The following DOCK5 variants were observed in gnomAD, a reference collection of about 807,000 sequenced individuals.
DOCK5 encodes the protein dedicator of cytokinesis 5.
Under a neutral mutation model 251.8 loss-of-function variants are expected in DOCK5, and 142 were observed. That is an observed-to-expected ratio of 0.56 (90% CI 0.49 to 0.65). The LOEUF is 0.65. DOCK5 is among the 30% of genes least tolerant of loss of function. The pLI is 0.00. For missense variants in DOCK5, 2,111 were observed against 2,312.3 expected, an observed-to-expected ratio of 0.91 and a Z score of 1.79; for synonymous variants, 842 against 835.5, an observed-to-expected ratio of 1.01 and a Z score of -0.13.
chr8:25,398,851 A>G (rs989450891), intron 45 of DOCK5, among the ~76,000 whole-genome samples: 3 of 149,884 alleles, frequency 2.0e-5, no homozygotes, highest in African/African-American at 7.4e-5. Flanking sequence ...CTAAGGTACC[A>G]GGCATTAGGA....
intron 11 of DOCK5, among the ~76,000 whole-genome samples, chr8:25,306,279 G>A (rs1491000655): frequency 6.6e-6 from 1 of 152,142 alleles, no homozygotes; most frequent in Non-Finnish European, 1.5e-5. Context: ...CAGTGCTAAA[G>A]TTAATTATGT....
At chr8:25,352,348 C>G (rs1159348039) in intron 27 of DOCK5, among the ~76,000 whole-genome samples, 3 of 151,936 alleles carry the variant, frequency 2.0e-5, no homozygotes, top group African/African-American at 7.2e-5. Flanking sequence ...ATGAACCACC[C>G]AGCCCCTTTG....
chr8:25,378,167 T>A (rs182492955), intron 38 of DOCK5, among the ~76,000 whole-genome samples: 1 of 152,278 alleles, frequency 6.6e-6, no homozygotes, highest in East Asian at 1.9e-4. Flanking sequence ...AACCTTCTAG[T>A]CACATGATTA....
At position 25,300,643 on chromosome 8, in the gene DOCK5, C is replaced by T. The variant is rs745900336; in HGVS notation, c.832C>T (p.Gln278Ter). The change falls in exon 9 of 52, where the codon CAA (glutamine) becomes TAA (stop). Residue 278 changes from glutamine to a stop codon, truncating the protein, a stop_gained. Transcript: ENST00000276440. LOFTEE classifies it high-confidence loss of function. ...PKEIEKLNNL[Q>*]AVFTDLSSMD... ...GGAAATAGAGAAGCTCAATAACCTC[C>T]AAGCAGTGTTTACAGTAAGTCCTCC... is the stretch of plus-strand genomic sequence containing the variant. The T allele has an allele frequency of 3.7e-6, 6 of 1,612,834 alleles. No homozygotes were observed. The highest frequency in any genetic ancestry group is 5.1e-6 in the Non-Finnish European group (6 of 1,179,398).
At chr8:25,307,534 G>A (rs1804976998) in intron 11 of DOCK5, among the ~76,000 whole-genome samples, 1 of 152,136 alleles carries the variant, frequency 6.6e-6, no homozygotes, top group Non-Finnish European at 1.5e-5. Context: ...ATATATTATA[G>A]TACTATGAAT....
rs142890992 is a variant in DOCK5 at position 25,376,659 on chromosome 8, A to C, written c.3817-646A>C. ...AATGAAATAGAATTTTCTTATCCAAAAGCATGGTATGACTTTCCATTTGTT... is the reference window on the plus strand; with the variant it reads ...AATGAAATAGAATTTTCTTATCCAACAGCATGGTATGACTTTCCATTTGTT... On this transcript the variant is annotated intron_variant, in intron 37 of 51. Coordinates refer to ENST00000276440, the MANE Select transcript of DOCK5 (RefSeq NM_024940.8). The C allele has an allele frequency of 5.2e-5, 8 of 153,776 alleles. No individual in the cohort carries two copies. In the East Asian group the frequency reaches 1.5e-3, roughly 30 times the overall value. The allele number at this position is 153,776 out of a possible 1,614,324, so 9.5% of individuals were successfully genotyped here.
rs1563309232 is a variant in DOCK5, at chr8:25,210,060, G to GTATC, written c.43+25110_43+25111insATCT. Reference sequence around the variant, plus strand: ...AATGTGTGTGTGTGTGTGTGTGTGTGTGTGTGTGTATCTGTCTATTTATCT... The same window carrying GTATC: ...AATGTGTGTGTGTGTGTGTGTGTGTGTATCTGTGTGTGTATCTGTCTATTTATCT... On this transcript the variant is annotated intron_variant, in intron 1 of 51. Transcript: ENST00000276440. Among the ~76,000 whole-genome samples, 10 of 27,254 alleles carry GTATC rather than the reference G, an allele frequency of 3.7e-4. 2 individuals are homozygous for GTATC. The highest frequency in any genetic ancestry group is 7.4e-4 in the Non-Finnish European group (9 of 12,178). The allele number at this position is 27,254 out of a possible 152,430, so 17.9% of individuals were successfully genotyped here. A position where few individuals can be genotyped will look rare whatever the true frequency, so the allele number is the denominator to read the frequency against.
At chr8:25,263,676 G>A (rs1803653295) in intron 2 of DOCK5, among the ~76,000 whole-genome samples, 1 of 151,466 alleles carries the variant, frequency 6.6e-6, no homozygotes, top group South Asian at 2.1e-4. Flanking sequence ...CCTATGTGCG[G>A]ATACCCCCTC....
intron 40 of DOCK5, among the ~76,000 whole-genome samples, chr8:25,387,802 C>T (rs909013074): frequency 6.6e-6 from 1 of 152,194 alleles, no homozygotes; most frequent in African/African-American, 2.4e-5. Flanking sequence ...GCTTCCTTAT[C>T]CCATTCATCT....
intron 48 of DOCK5, among the ~76,000 whole-genome samples, chr8:25,405,930 A>G (rs1270313613): frequency 6.6e-6 from 1 of 152,184 alleles, no homozygotes; most frequent in Non-Finnish European, 1.5e-5. Flanking sequence ...CAGGTATATA[A>G]TATCAAAAAA....
At chr8:25,196,805 TC>T (rs1452799941) in intron 1 of DOCK5, among the ~76,000 whole-genome samples, 1 of 152,196 alleles carries the variant, frequency 6.6e-6, no homozygotes, top group East Asian at 1.9e-4. Context: ...TTTAGTACTT[TC>T]AAAAGAATTA....
At chr8:25,308,440 C>G (rs548502976) in intron 11 of DOCK5, among the ~76,000 whole-genome samples, 1 of 152,036 alleles carries the variant, frequency 6.6e-6, no homozygotes, top group Admixed American at 6.5e-5. Flanking sequence ...CCTGGGGGCT[C>G]CTGCCCCTTC....
intron 5 of DOCK5, among the ~76,000 whole-genome samples, chr8:25,280,452 A>C (rs1281413899): frequency 6.6e-6 from 1 of 152,206 alleles, no homozygotes; most frequent in Non-Finnish European, 1.5e-5. Context: ...TTTCATTTTC[A>C]TTCAGGGCTG....
chr8:25,299,050 A>G lies in DOCK5; in HGVS notation c.713A>G (p.Asp238Gly). 6.2e-7 allele frequency: 1 copy of G among 1,613,924 alleles called. No homozygotes were observed. Reference sequence around the variant, plus strand: ...AACTTTGTCTGCAACATCGGGGAAGATGCAGAGTTGTTTATGGCCCTCTAC... The same window carrying G: ...AACTTTGTCTGCAACATCGGGGAAGGTGCAGAGTTGTTTATGGCCCTCTAC... ...FKNFVCNIGE[D>G]AELFMALYDP... The change falls in exon 8 of 52, where the codon GAT becomes GGT. Residue 238 changes from aspartate to glycine, a missense_variant. Asp to Gly is a moderately conservative substitution (Grantham distance 94). This residue lies in a region of DOCK5 where 335 missense variants were observed against 324.9 expected (regional missense o/e 1.03). Coordinates refer to ENST00000276440, the MANE Select transcript of DOCK5 (RefSeq NM_024940.8).
chr8:25,320,919 A>G (rs1210451962), intron 15 of DOCK5, 61 bp from the exon 16 acceptor site: 2 of 1,472,780 alleles, frequency 1.4e-6, no homozygotes, highest in East Asian at 4.6e-5. Context: ...ATTCCATGAA[A>G]TAAACCATGC....
chr8:25,191,207 G>A (rs913394687), intron 1 of DOCK5, among the ~76,000 whole-genome samples: 8 of 152,070 alleles, frequency 5.3e-5, no homozygotes, highest in African/African-American at 1.9e-4. Context: ...TTGCAATAAT[G>A]CTAAGCCGTT....
rs765162352 is a variant in DOCK5, at chr8:25,390,245, C to T, written c.4313C>T (p.Pro1438Leu). ...CFTVKPVMSL[P>L]PSYKDKPVPE... The stretch of plus-strand genomic sequence containing the variant: ...ACTGTAAAGCCAGTGATGAGCTTGC[C>T]GCCCAGCTACAAGGATAAACCTGTT... The change falls in exon 42 of 52, where the codon CCG becomes CTG. Residue 1438 changes from proline (P) to leucine (L), a missense_variant. By Grantham distance (98) the Pro-to-Leu change is moderately conservative. Coordinates refer to ENST00000276440, the MANE Select transcript of DOCK5 (RefSeq NM_024940.8). 4.1e-5 allele frequency: 65 copies of T among 1,593,380 alleles called. No homozygotes were observed. The highest frequency in any genetic ancestry group is 4.9e-5 in the Non-Finnish European group (57 of 1,169,588).
intron 2 of DOCK5, among the ~76,000 whole-genome samples, chr8:25,268,094 G>A (rs569767670): frequency 4.1e-4 from 62 of 152,000 alleles, no homozygotes; most frequent in African/African-American, 1.2e-3. Flanking sequence ...AACTTCTGAC[G>A]TCATGATCCA....
chr8:25,391,455 G>A (rs368024145), intron 42 of DOCK5, among the ~76,000 whole-genome samples: 6 of 151,950 alleles, frequency 3.9e-5, no homozygotes, highest in African/African-American at 1.5e-4. Flanking sequence ...GGCCAACATG[G>A]TGAAACCCCA....
Sources: allele counts gnomAD v4.1 joint callset (sites outside exome capture counted in the v4.1 genomes callset), GRCh38; gene constraint gnomAD v4.1.1; regional missense constraint gnomAD v4.1.1; transcripts MANE v1.5; gene names NCBI Gene and HGNC (gene_info 2026-07-23, HGNC 2026-07-21).